DPP10: variants seen among roughly 807,000 people sequenced by gnomAD.
DPP10 encodes inactive dipeptidyl peptidase 10.
A neutral mutation model predicts 120.9 loss-of-function variants in DPP10; 33 were observed. That is an observed-to-expected ratio of 0.27 (90% CI 0.21 to 0.37). The LOEUF (loss-of-function observed/expected upper bound fraction) is 0.37. DPP10 is among the 10% of genes least tolerant of loss of function. The probability of loss-of-function intolerance (pLI) is 1.00; values close to 1 mark genes in which losing one functional copy is unlikely to be tolerated. For synonymous variants in DPP10, 337 were observed against 326.1 expected, an observed-to-expected ratio of 1.03 and a Z score of -0.36; for missense variants, 816 against 942.8, an observed-to-expected ratio of 0.87 and a Z score of 1.76.
At chr2:115,272,316 A>C (rs905705858) in intron 1 of DPP10, among the ~76,000 whole-genome samples, 4 of 152,226 alleles carry the variant, frequency 2.6e-5, no homozygotes, top group African/African-American at 9.6e-5. Context: ...TAGTGCCTAA[A>C]ATAGGCCATT....
intron 11 of DPP10, among the ~76,000 whole-genome samples, chr2:115,761,185 T>C (rs1680075430): frequency 1.3e-5 from 2 of 150,428 alleles, no homozygotes; most frequent in Admixed American, 1.3e-4. Flanking sequence ...GTGGGGAGAA[T>C]GGCTTGAGGC....
chr2:114,637,578 G>T (rs550992720), intron 1 of DPP10, among the ~76,000 whole-genome samples: 2 of 151,970 alleles, frequency 1.3e-5, no homozygotes, highest in African/African-American at 4.8e-5. Context: ...GTCAAGAAGG[G>T]TATTTTCTAG....
At chr2:114,687,487 G>A (rs1699450225) in intron 1 of DPP10, among the ~76,000 whole-genome samples, 1 of 151,970 alleles carries the variant, frequency 6.6e-6, no homozygotes, top group East Asian at 1.9e-4. Flanking sequence ...CAAACAACCA[G>A]AATTATTATT....
At chr2:115,750,992 G>C (rs1431417007) in intron 10 of DPP10, among the ~76,000 whole-genome samples, 3 of 151,966 alleles carry the variant, frequency 2.0e-5, no homozygotes, top group Non-Finnish European at 4.4e-5. Context: ...TATTATGGCA[G>C]GTAATTGAGA....
chr2:115,590,151 T>TTTATTATTATTATTATTATTA (rs59816892), intron 5 of DPP10, among the ~76,000 whole-genome samples: 2 of 138,774 alleles, frequency 1.4e-5, no homozygotes, highest in African/African-American at 2.7e-5. Flanking sequence ...ATTTGTTTTC[T>TTTATTATTATTATTATTATTA]TTATTATTAT....
At chr2:115,605,788 C>G (rs1037057753) in intron 5 of DPP10, among the ~76,000 whole-genome samples, 1 of 151,914 alleles carries the variant, frequency 6.6e-6, no homozygotes, top group Non-Finnish European at 1.5e-5. Context: ...TCTGGAGCAC[C>G]TAGTATGTGA....
intron 13 of DPP10, among the ~76,000 whole-genome samples, 158 bp from the exon 14 acceptor site, chr2:115,777,050 A>G (rs1682187001): frequency 6.6e-6 from 1 of 152,098 alleles, no homozygotes; most frequent in African/African-American, 2.4e-5. Flanking sequence ...ATCTGTGTTT[A>G]TAGGAATGCA....
chr2:114,813,210 T>A (rs1251863637), intron 1 of DPP10, among the ~76,000 whole-genome samples: 1 of 152,162 alleles, frequency 6.6e-6, no homozygotes, highest in African/African-American at 2.4e-5. Context: ...GCACTCTGAA[T>A]TGAAAATGAT....
intron 3 of DPP10, among the ~76,000 whole-genome samples, chr2:115,398,851 A>G (rs915250050): frequency 2.0e-5 from 3 of 152,162 alleles, no homozygotes; most frequent in African/African-American, 7.2e-5. Flanking sequence ...GTCTGTTTCC[A>G]TGTCATCTGA....
intron 4 of DPP10, among the ~76,000 whole-genome samples, chr2:115,518,891 C>T (rs764841428): frequency 7.2e-5 from 11 of 152,020 alleles, no homozygotes; most frequent in Admixed American, 2.0e-4. Flanking sequence ...TGCAGCTGTG[C>T]TTGAAGGTCA....
chr2:114,940,379 G>A (rs1331087152), intron 1 of DPP10, among the ~76,000 whole-genome samples: 1 of 152,016 alleles, frequency 6.6e-6, no homozygotes, highest in Non-Finnish European at 1.5e-5. Flanking sequence ...TTTATTATAA[G>A]AGCAAACAGA....
intron 1 of DPP10, among the ~76,000 whole-genome samples, chr2:114,686,577 C>T (rs982530843): frequency 6.6e-6 from 1 of 151,844 alleles, no homozygotes; most frequent in Non-Finnish European, 1.5e-5. Flanking sequence ...TACCATATAC[C>T]TAGTTAGCCC....
intron 1 of DPP10, among the ~76,000 whole-genome samples, chr2:114,526,338 T>C (rs1045256786): frequency 6.6e-6 from 1 of 152,208 alleles, no homozygotes; most frequent in African/African-American, 2.4e-5. Context: ...GGGGGATAAA[T>C]TGCACAGTGA....
intron 1 of DPP10, among the ~76,000 whole-genome samples, chr2:114,558,636 C>T (rs1000255000): frequency 2.0e-5 from 3 of 152,246 alleles, no homozygotes; most frequent in Non-Finnish European, 4.4e-5. Context: ...CTGCTCTATG[C>T]TGAGTGCCCA....
chr2:114,615,497 C>T (rs1693608335), intron 1 of DPP10, among the ~76,000 whole-genome samples: 2 of 152,080 alleles, frequency 1.3e-5, no homozygotes, highest in African/African-American at 2.4e-5. Context: ...TAGCAGAGTC[C>T]TCAACTCATC....
At chr2:115,411,562 T>C (rs1221838344) in intron 3 of DPP10, among the ~76,000 whole-genome samples, 1 of 152,144 alleles carries the variant, frequency 6.6e-6, no homozygotes, top group Non-Finnish European at 1.5e-5. Flanking sequence ...GAAGTTCTTT[T>C]ATGAGAGAGT....
In DPP10 at chr2:115,842,246, G is replaced by A. The variant is rs1284995768; in HGVS notation, c.2292G>A (p.Lys764=). ...YPDEGHNVSE[K]SKYHLYSTIL... The stretch of plus-strand genomic sequence containing the variant: ...ATGAAGGTCATAACGTATCTGAGAA[G>A]AGCAAGTATCATCTCTACAGCACAA... Residue 764 remains lysine, a synonymous_variant, in exon 26 of 26, where the codon AAG becomes AAA. Transcript: ENST00000410059. The A allele has an allele frequency of 6.2e-7, 1 of 1,613,716 alleles. No individual in the cohort carries two copies. The highest frequency in any genetic ancestry group is 1.1e-5 in the South Asian group (1 of 91,052).
chr2:114,577,024 G>T (rs969306808), intron 1 of DPP10, among the ~76,000 whole-genome samples: 1 of 152,160 alleles, frequency 6.6e-6, no homozygotes, highest in Non-Finnish European at 1.5e-5. Context: ...AAATAGATGT[G>T]ATGGAGAAAA....
At chr2:115,649,622 A>G (rs1044199326) in intron 5 of DPP10, among the ~76,000 whole-genome samples, 1 of 152,060 alleles carries the variant, frequency 6.6e-6, no homozygotes, top group African/African-American at 2.4e-5. Context: ...TTTGTTTCCA[A>G]ATTATGAAAA....
Sources: allele counts gnomAD v4.1 joint callset (sites outside exome capture counted in the v4.1 genomes callset), GRCh38; gene constraint gnomAD v4.1.1; transcripts MANE v1.5; gene names NCBI Gene and HGNC (gene_info 2026-07-23, HGNC 2026-07-21).